TAS2R1: variants seen among roughly 807,000 people sequenced by gnomAD.
TAS2R1 encodes taste 2 receptor member 1.
For synonymous variants in TAS2R1, 141 were observed against 134.2 expected (o/e 1.05, Z -0.35); for missense variants, 370 against 353.4 (o/e 1.05, Z -0.38).
the TAS2R1 span, among the ~76,000 whole-genome samples, chr5:9,879,560 C>T: frequency 6.6e-6 from 1 of 152,296 alleles, no homozygotes; most frequent in East Asian, 1.9e-4. Context: ...GCTCAGCCCT[C>T]GACGCAAGAC....
intron 1 of TAS2R1, among the ~76,000 whole-genome samples, chr5:9,689,114 T>C (rs964265460): frequency 7.9e-5 from 12 of 152,154 alleles, no homozygotes; most frequent in African/African-American, 2.9e-4. Flanking sequence ...TTCTTGCCCA[T>C]TTACTGACTT....
the TAS2R1 span, among the ~76,000 whole-genome samples, chr5:9,724,796 G>A: frequency 2.6e-5 from 4 of 152,240 alleles, no homozygotes; most frequent in Non-Finnish European, 5.9e-5. Context: ...ACTGGGAGCA[G>A]AGTCAGAAAG....
chr5:9,893,226 G>A, the TAS2R1 span, among the ~76,000 whole-genome samples: 1 of 69,880 alleles, frequency 1.4e-5, no homozygotes. Context: ...TTTTTTTTTT[G>A]GAGACAGAGT....
chr5:9,757,498 C>G, the TAS2R1 span, among the ~76,000 whole-genome samples: 3 of 152,140 alleles, frequency 2.0e-5, no homozygotes, highest in African/African-American at 7.2e-5. Flanking sequence ...TTTAACACAG[C>G]TTTGGACAGT....
the TAS2R1 span, among the ~76,000 whole-genome samples, chr5:9,739,145 C>G: frequency 6.6e-6 from 1 of 152,122 alleles, no homozygotes; most frequent in African/African-American, 2.4e-5. Context: ...CTTCTTTTTC[C>G]AAAAGACCCA....
chr5:9,893,298 G>A, the TAS2R1 span, among the ~76,000 whole-genome samples: 2 of 148,636 alleles, frequency 1.3e-5, no homozygotes, highest in Admixed American at 6.8e-5. Context: ...TCCACCTCCC[G>A]TGGCCGGGCT....
intron 1 of TAS2R1, among the ~76,000 whole-genome samples, chr5:9,704,252 A>G (rs1741554393): frequency 6.6e-6 from 1 of 151,806 alleles, no homozygotes; most frequent in African/African-American, 2.4e-5. Context: ...GTTCTTCTCA[A>G]TTTTCTGCAT....
Position 9,628,932 on chromosome 5 carries a change from C to T in TAS2R1, c.*201G>A, listed in dbSNP as rs906357480. 6.5e-6 allele frequency: 3 copies of T among 461,926 alleles called. No individual in the cohort carries two copies. Among genetic ancestry groups the T allele is most frequent in the Non-Finnish European group, 1.1e-5 (3 of 268,824 alleles). The allele number at this position is 461,926 out of a possible 1,614,324, so 28.6% of individuals were successfully genotyped here. On this transcript the variant is annotated 3_prime_UTR_variant, in exon 1 of 1. Coordinates refer to ENST00000382492, the MANE Select transcript of TAS2R1 (RefSeq NM_019599.3). The stretch of plus-strand genomic sequence containing the variant: ...GGATATTGAAATTGATGTAATCCAT[C>T]AACATATGTTGTGCTTTCAAAATCA...
the TAS2R1 span, among the ~76,000 whole-genome samples, chr5:9,735,132 C>T: frequency 6.6e-6 from 1 of 151,178 alleles, no homozygotes; most frequent in African/African-American, 2.5e-5. Flanking sequence ...TTTAAATGAC[C>T]AGATCTCCTA....
At chr5:9,650,057 A>G (rs1740269784) in intron 2 of TAS2R1, among the ~76,000 whole-genome samples, 1 of 152,166 alleles carries the variant, frequency 6.6e-6, no homozygotes, top group African/African-American at 2.4e-5. Flanking sequence ...ATTTTAATAT[A>G]AAAAATAAAA....
chr5:9,806,901 G>A, the TAS2R1 span, among the ~76,000 whole-genome samples: 1 of 151,974 alleles, frequency 6.6e-6, no homozygotes, highest in Non-Finnish European at 1.5e-5. Flanking sequence ...TAAATAGATG[G>A]GAATTAATTA....
chr5:9,675,930 T>C (rs1287211873), intron 1 of TAS2R1, among the ~76,000 whole-genome samples: 1 of 152,178 alleles, frequency 6.6e-6, no homozygotes, highest in African/African-American at 2.4e-5. Context: ...TTGTCTTGCT[T>C]ATGATCTTAG....
the TAS2R1 span, among the ~76,000 whole-genome samples, chr5:9,719,795 G>A: frequency 6.6e-6 from 1 of 151,856 alleles, no homozygotes; most frequent in African/African-American, 2.4e-5. Context: ...GCGGGCGCCT[G>A]TAGTACCAGC....
the TAS2R1 span, among the ~76,000 whole-genome samples, chr5:9,754,060 T>A: frequency 1.3e-5 from 2 of 152,174 alleles, no homozygotes; most frequent in African/African-American, 4.8e-5. Context: ...TTATCCACCA[T>A]GATCAAGTGG....
the TAS2R1 span, among the ~76,000 whole-genome samples, chr5:9,817,341 A>G: frequency 2.6e-5 from 4 of 152,228 alleles, no homozygotes; most frequent in South Asian, 8.3e-4. Flanking sequence ...TTGGAAAAAA[A>G]TATTTTCTGT....
chr5:9,630,558 G>A (rs1251078387), upstream of TAS2R1, among the ~76,000 whole-genome samples: 4 of 152,124 alleles, frequency 2.6e-5, no homozygotes, highest in African/African-American at 9.7e-5. Context: ...CAATGGTTGA[G>A]CAATTCAAAA....
intron 2 of TAS2R1, among the ~76,000 whole-genome samples, chr5:9,635,386 G>A (rs1182987500): frequency 1.3e-5 from 2 of 152,054 alleles, no homozygotes; most frequent in Non-Finnish European, 2.9e-5. Context: ...ACTTTCATCA[G>A]GGATATTGGT....
intron 2 of TAS2R1, among the ~76,000 whole-genome samples, chr5:9,643,880 ACCTC>A (rs1232036176): frequency 1.3e-5 from 2 of 151,940 alleles, no homozygotes; most frequent in African/African-American, 2.4e-5. Flanking sequence ...GGAAAGCCTG[ACCTC>A]CCCAGAGAGG....
the TAS2R1 span, among the ~76,000 whole-genome samples, chr5:9,771,872 G>A: frequency 6.6e-6 from 1 of 151,590 alleles, no homozygotes; most frequent in Admixed American, 6.6e-5. Flanking sequence ...TTTCATCTCT[G>A]GTTTTATTTA....
Sources: allele counts gnomAD v4.1 joint callset (sites outside exome capture counted in the v4.1 genomes callset), GRCh38; gene constraint gnomAD v4.1.1; transcripts MANE v1.5; gene names NCBI Gene and HGNC (gene_info 2026-07-23, HGNC 2026-07-21).